Variants in CYSLTR2 observed in about 807,000 individuals in gnomAD.
The protein encoded by CYSLTR2 is cysteinyl leukotriene receptor 2, also known as G-protein coupled receptor GPCR21.
For missense variants in CYSLTR2, 398 were observed against 411.9 expected, an observed-to-expected ratio of 0.97 and a Z score of 0.29; for synonymous variants, 179 against 160.8, an observed-to-expected ratio of 1.11 and a Z score of -0.86.
chr13:48,664,941 A>G (rs964711614), intron 1 of CYSLTR2, among the ~76,000 whole-genome samples: 5 of 151,936 alleles, frequency 3.3e-5, no homozygotes, highest in East Asian at 1.9e-4. Flanking sequence ...TAATGTAGGC[A>G]TTTATTGCTA....
intron 1 of CYSLTR2, among the ~76,000 whole-genome samples, chr13:48,679,991 C>T (rs560719977): frequency 6.6e-6 from 1 of 150,614 alleles, no homozygotes; most frequent in African/African-American, 2.5e-5. Flanking sequence ...TACCAGTTTT[C>T]CCCCTCTGTC....
At chr13:48,678,557 C>A (rs1048522074) in intron 1 of CYSLTR2, among the ~76,000 whole-genome samples, 5 of 152,212 alleles carry the variant, frequency 3.3e-5, no homozygotes, top group Admixed American at 2.0e-4. Context: ...GTTACTATCA[C>A]GTGCTGACAG....
intron 4 of CYSLTR2, among the ~76,000 whole-genome samples, chr13:48,703,923 T>G (rs1034755384): frequency 2.0e-5 from 3 of 152,196 alleles, no homozygotes; most frequent in African/African-American, 7.2e-5. Context: ...ATGGGGATAT[T>G]CAAATTATCT....
At position 48,710,153 on chromosome 13, in the gene CYSLTR2, T is replaced by C. The variant is rs1215927708; in HGVS notation, c.*2295T>C. 1.3e-5 allele frequency: 2 copies of C among 152,266 alleles called. No individual in the cohort carries two copies. Among genetic ancestry groups the C allele is most frequent in the Non-Finnish European group, 2.9e-5 (2 of 68,074 alleles). The allele number at this position is 152,266 out of a possible 1,614,324, so 9.4% of individuals were successfully genotyped here. A position where few individuals can be genotyped will look rare whatever the true frequency, so the allele number is the denominator to read the frequency against. ...TAATGTGAATATAATAGTCTCCCAT[T>C]ATCTGTGGTTTTGCTTTCTGCAGTT... On this transcript the variant is annotated 3_prime_UTR_variant, in exon 5 of 5. Transcript: ENST00000682523.
At chr13:48,661,732 A>T (rs1953134598) in intron 1 of CYSLTR2, among the ~76,000 whole-genome samples, 1 of 152,226 alleles carries the variant, frequency 6.6e-6, no homozygotes. Flanking sequence ...TGTCAAATTG[A>T]CAAATAATAA....
At chr13:48,692,125 C>A (rs889180787) in intron 2 of CYSLTR2, among the ~76,000 whole-genome samples, 1 of 151,802 alleles carries the variant, frequency 6.6e-6, no homozygotes, top group African/African-American at 2.4e-5. Flanking sequence ...ATAGTTGTTC[C>A]AGGAGACAAG....
At chr13:48,661,773 T>C (rs2138813230) in intron 1 of CYSLTR2, among the ~76,000 whole-genome samples, 1 of 152,368 alleles carries the variant, frequency 6.6e-6, no homozygotes, top group South Asian at 2.1e-4. Context: ...TATTGATGTT[T>C]CTATACATGT....
rs2139023234 is a variant in CYSLTR2, at chr13:48,709,928, T to C, written c.*2070T>C. ...GTCTCCCAGAAAAAGAAGAAATTAA[T>C]TGATTCATACACATTGAGAGGGATT... On this transcript the variant is annotated 3_prime_UTR_variant, in exon 5 of 5. Transcript: ENST00000682523. 1 of 152,268 alleles carries C rather than the reference T, an allele frequency of 6.6e-6. No homozygotes were observed. Among genetic ancestry groups the C allele is most frequent in the South Asian group, 2.1e-4 (1 of 4,832 alleles). 9.4% of individuals were successfully genotyped at this position (152,268 alleles called of 1,614,324 possible). A position where few individuals can be genotyped will look rare whatever the true frequency, so the allele number is the denominator to read the frequency against.
intron 1 of CYSLTR2, among the ~76,000 whole-genome samples, chr13:48,678,252 G>A (rs1227449312): frequency 6.6e-6 from 1 of 151,974 alleles, no homozygotes; most frequent in East Asian, 1.9e-4. Flanking sequence ...CAAGTGATCT[G>A]CCCACCTCAG....
At chr13:48,677,384 A>G (rs1953625462) in intron 1 of CYSLTR2, among the ~76,000 whole-genome samples, 1 of 152,170 alleles carries the variant, frequency 6.6e-6, no homozygotes, top group African/African-American at 2.4e-5. Context: ...GTCTAGGTGC[A>G]AAAGAACAAG....
intron 1 of CYSLTR2, among the ~76,000 whole-genome samples, chr13:48,684,083 TA>T (rs1393795058): frequency 3.3e-5 from 5 of 152,050 alleles, no homozygotes; most frequent in Admixed American, 6.6e-5. Context: ...CATACCTGGC[TA>T]ATTTTTTTAA....
chr13:48,660,123 C>G (rs1184836832), intron 1 of CYSLTR2, among the ~76,000 whole-genome samples: 1 of 152,032 alleles, frequency 6.6e-6, no homozygotes, highest in Admixed American at 6.5e-5. Flanking sequence ...GAGAAGCTAG[C>G]TTTTGGAGTC....
At chr13:48,701,772 A>G (rs1206629473) in intron 4 of CYSLTR2, among the ~76,000 whole-genome samples, 1 of 152,204 alleles carries the variant, frequency 6.6e-6, no homozygotes, top group Non-Finnish European at 1.5e-5. Context: ...CAGGTACTGG[A>G]GAGGATGTGG....
At chr13:48,664,285 T>G (rs975438991) in intron 1 of CYSLTR2, among the ~76,000 whole-genome samples, 4 of 152,196 alleles carry the variant, frequency 2.6e-5, no homozygotes, top group South Asian at 2.1e-4. Context: ...TGTAGTTTTT[T>G]TTGTTGTTGT....
chr13:48,705,996 G>GTTTTTTTTTTTTTTTTTTTTTTTTTTTT (rs368909553), intron 4 of CYSLTR2, among the ~76,000 whole-genome samples: 2 of 128,590 alleles, frequency 1.6e-5, no homozygotes, highest in Non-Finnish European at 1.6e-5. Flanking sequence ...TTGTTTTGTT[G>GTTTTTTTTTTTTTTTTTTTTTTTTTTTT]TTGTTTTTTT....
At chr13:48,694,649 T>A (rs2138954542) in intron 3 of CYSLTR2, 1 of 151,886 alleles carries the variant, frequency 6.6e-6, no homozygotes, top group East Asian at 1.9e-4. Context: ...CTTGTGAAAC[T>A]CCATTTTTGT....
chr13:48,659,131 G>A (rs9595952), intron 1 of CYSLTR2, among the ~76,000 whole-genome samples: 16,138 of 151,946 alleles, frequency 0.11, 1,550 homozygotes, highest in African/African-American at 0.25. Flanking sequence ...ACACTGGGCA[G>A]CAGGACAAGC....
intron 1 of CYSLTR2, among the ~76,000 whole-genome samples, chr13:48,686,986 C>G (rs74074717): frequency 0.029 from 4,433 of 152,224 alleles, 209 homozygotes; most frequent in African/African-American, 0.1. Flanking sequence ...AACTTCTGCT[C>G]TCAATGGATG....
rs1012067776 is a variant in CYSLTR2 at position 48,711,056 on chromosome 13, A to C, written c.*3198A>C. 1.3e-5 allele frequency: 2 copies of C among 152,268 alleles called. No individual in the cohort carries two copies. Among genetic ancestry groups the C allele is most frequent in the African/African-American group, 4.8e-5 (2 of 41,550 alleles). 9.4% of individuals were successfully genotyped at this position (152,268 alleles called of 1,614,324 possible). On this transcript the variant is annotated 3_prime_UTR_variant, in exon 5 of 5. Transcript: ENST00000682523. ...CCATATTATTTAGCAATAGGAGGTA[A>C]ATACAGGTAGAAGCAGAAGAAAGAA...
Sources: gnomAD v4.1 joint callset for allele counts (sites outside exome capture counted in the v4.1 genomes callset) on GRCh38, gnomAD v4.1.1 for gene constraint, MANE v1.5 for transcripts, NCBI Gene and HGNC (gene_info 2026-07-23, HGNC 2026-07-21) for gene names.